Variants in PIGN observed in about 807,000 individuals in gnomAD.
PIGN encodes phosphatidylinositol glycan anchor biosynthesis class N.
PIGN carries 117 observed loss-of-function variants against 125.4 expected under a neutral mutation model. The ratio of observed to expected loss-of-function variants is 0.93; its 90% confidence interval spans 0.80 to 1.09. The LOEUF (loss-of-function observed/expected upper bound fraction) is 1.09. Among genes scored for constraint, PIGN ranks in the 50% least tolerant of loss-of-function variants. PIGN has a pLI of 0.00. For missense variants in PIGN, 1,075 were observed against 1,094.9 expected, an observed-to-expected ratio of 0.98 and a Z score of 0.26; for synonymous variants, 392 against 377.8, an observed-to-expected ratio of 1.04 and a Z score of -0.44.
At chr18:62,137,932 G>T in intron 14 of PIGN, 3 of 269,394 alleles carry the variant, frequency 1.1e-5, no homozygotes, top group Non-Finnish European at 1.4e-5. Context: ...CAAGCCAAGT[G>T]CCAGGAAGTC....
intron 23 of PIGN, among the ~76,000 whole-genome samples, chr18:62,019,428 G>A (rs1339055730): frequency 1.3e-5 from 2 of 152,336 alleles, no homozygotes; most frequent in Non-Finnish European, 1.5e-5. Flanking sequence ...AGTTCACTTT[G>A]TGAATCTGTG....
At chr18:62,126,075 T>C (rs1002899538) in intron 14 of PIGN, among the ~76,000 whole-genome samples, 3 of 151,982 alleles carry the variant, frequency 2.0e-5, no homozygotes, top group Non-Finnish European at 4.4e-5. Context: ...AAAACAAGAG[T>C]ATCTGGATCA....
At chr18:62,100,105 A>G (rs2034376079) in intron 22 of PIGN, among the ~76,000 whole-genome samples, 1 of 152,206 alleles carries the variant, frequency 6.6e-6, no homozygotes, top group Non-Finnish European at 1.5e-5. Context: ...TAAAAAGTAC[A>G]AACAATTCAA....
Position 62,100,168 on chromosome 18 carries a change from C to T in PIGN, c.2077+907G>A, listed in dbSNP as rs191617473. On this transcript the variant is annotated intron_variant, in intron 22 of 30. Coordinates refer to ENST00000640252, the MANE Select transcript of PIGN (RefSeq NM_176787.5). ...AAAATGGGCAAATGATCTGAGTAGACATTTCTCAAAAGAAGACATTCAAAT... is the reference window on the plus strand; with the variant it reads ...AAAATGGGCAAATGATCTGAGTAGATATTTCTCAAAAGAAGACATTCAAAT... Among the ~76,000 whole-genome samples, 3 of 152,288 alleles carry T rather than the reference C, an allele frequency of 2.0e-5. No individual in the cohort carries two copies. In the East Asian group the frequency reaches 5.8e-4, roughly 29 times the overall value.
intron 7 of PIGN, among the ~76,000 whole-genome samples, chr18:62,149,092 T>C (rs933628161): frequency 3.3e-5 from 5 of 152,208 alleles, no homozygotes; most frequent in African/African-American, 1.2e-4. Context: ...CCAAGATACA[T>C]CTTTGTTGTT....
At chr18:62,166,574 T>C (rs778341246) in intron 1 of PIGN, among the ~76,000 whole-genome samples, 1 of 152,202 alleles carries the variant, frequency 6.6e-6, no homozygotes, top group Non-Finnish European at 1.5e-5. Flanking sequence ...CAAAGGATTA[T>C]AAATCATTCT....
intron 23 of PIGN, among the ~76,000 whole-genome samples, chr18:62,018,533 C>T (rs1229089749): frequency 6.6e-6 from 1 of 152,194 alleles, no homozygotes; most frequent in Non-Finnish European, 1.5e-5. Context: ...TAACTTACCA[C>T]CCATTACTTT....
At chr18:62,124,657 A>G (rs1290717808) in intron 14 of PIGN, among the ~76,000 whole-genome samples, 1 of 152,200 alleles carries the variant, frequency 6.6e-6, no homozygotes, top group Non-Finnish European at 1.5e-5. Context: ...GCCCCTGCCC[A>G]TTCCTCTCTT....
chr18:62,050,517 A>T (rs1374348594), intron 30 of PIGN, among the ~76,000 whole-genome samples: 2 of 151,084 alleles, frequency 1.3e-5, no homozygotes, highest in African/African-American at 2.4e-5. Flanking sequence ...TTGTTGGTGT[A>T]TAAGAATGCT....
intron 1 of PIGN, among the ~76,000 whole-genome samples, chr18:62,169,947 CA>C (rs1161563670): frequency 6.6e-6 from 1 of 152,158 alleles, no homozygotes; most frequent in East Asian, 1.9e-4. Context: ...CAGAAACTGA[CA>C]AACTAGTTGT....
At chr18:62,063,255 T>TAGATTTTATCCAAAATCTATGGTTTTAC (rs2032296265) in intron 30 of PIGN, among the ~76,000 whole-genome samples, 1 of 151,070 alleles carries the variant, frequency 6.6e-6, no homozygotes, top group African/African-American at 2.4e-5. Flanking sequence ...TATGGTTTTA[T>TAGATTTTATCCAAAATCTATGGTTTTAC]AGATTTTAGC....
chr18:62,157,662 A>T, intron 5 of PIGN, 25 bp downstream of exon 5: 1 of 1,598,506 alleles, frequency 6.3e-7, no homozygotes, highest in South Asian at 1.1e-5. Flanking sequence ...TTTTCATTTC[A>T]TAAGATTGTC....
At chr18:62,161,464 G>T in intron 3 of PIGN, 79 bp from the exon 4 acceptor site, 1 of 630,232 alleles carries the variant, frequency 1.6e-6, no homozygotes, top group Non-Finnish European at 2.8e-6. Context: ...ATGATCACAA[G>T]TAGATGAAAC....
chr18:62,034,381 G>C (rs150535485), intron 23 of PIGN, among the ~76,000 whole-genome samples: 9 of 152,262 alleles, frequency 5.9e-5, no homozygotes, highest in Admixed American at 1.3e-4. Flanking sequence ...GTACTGCCTA[G>C]TGGAGCTGTA....
intron 30 of PIGN, among the ~76,000 whole-genome samples, chr18:62,054,929 GTAAA>G (rs1328996642): frequency 6.6e-6 from 1 of 152,188 alleles, no homozygotes; most frequent in African/African-American, 2.4e-5. Context: ...TATAAAGTCA[GTAAA>G]TAAATAGATG....
At chr18:62,103,124 G>A (rs748925469) in intron 20 of PIGN, among the ~76,000 whole-genome samples, 6 of 151,740 alleles carry the variant, frequency 4.0e-5, no homozygotes, top group Non-Finnish European at 8.8e-5. Context: ...TGCTGGATGG[G>A]GTTATTTGTA....
In PIGN at chr18:62,071,615, A is replaced by T. The variant is rs572781718; in HGVS notation, c.2672+1058T>A. ...TTAGTCAACAATGGACTGCATATAC[A>T]TGGTGGTCCCATAAGATGATAACAG... On this transcript the variant is annotated intron_variant, in intron 30 of 30. Coordinates refer to ENST00000640252, the MANE Select transcript of PIGN (RefSeq NM_176787.5). 7.2e-5 allele frequency among the ~76,000 whole-genome samples: 11 copies of T among 152,074 alleles called. No individual in the cohort carries two copies. In the South Asian group the frequency reaches 2.3e-3, roughly 32 times the overall value.
intron 25 of PIGN, among the ~76,000 whole-genome samples, chr18:62,088,169 T>G (rs2033796378): frequency 6.6e-6 from 1 of 152,196 alleles, no homozygotes; most frequent in Non-Finnish European, 1.5e-5. Context: ...TCAATTATAC[T>G]TCAATAAAGC....
chr18:62,062,377 C>A (rs549723783), intron 30 of PIGN, among the ~76,000 whole-genome samples: 1 of 152,320 alleles, frequency 6.6e-6, no homozygotes, highest in East Asian at 1.9e-4. Context: ...GTTTCTTATA[C>A]CTGCCTTTGA....
Sources: allele counts gnomAD v4.1 joint callset (sites outside exome capture counted in the v4.1 genomes callset), GRCh38; gene constraint gnomAD v4.1.1; transcripts MANE v1.5; gene names NCBI Gene and HGNC (gene_info 2026-07-23, HGNC 2026-07-21).